The following RBM7 variants were observed in gnomAD, a reference collection of about 807,000 sequenced individuals.
RBM7 encodes RNA-binding protein 7.
RBM7 carries 13 observed loss-of-function variants against 31.0 expected under a neutral mutation model. The observed-to-expected ratio is 0.42, with a 90% CI of 0.27 to 0.67. RBM7 has a LOEUF of 0.67. Among genes scored for constraint, RBM7 ranks in the 30% least tolerant of loss-of-function variants. The probability of loss-of-function intolerance (pLI) is 0.24; values close to 1 mark genes in which losing one functional copy is unlikely to be tolerated. For synonymous variants in RBM7, 106 were observed against 111.2 expected (o/e 0.95, Z 0.30); for missense variants, 245 against 326.2 (o/e 0.75, Z 1.92).
At chr11:114,405,006 C>G (rs1393233486) in intron 3 of RBM7, among the ~76,000 whole-genome samples, 1 of 152,040 alleles carries the variant, frequency 6.6e-6, no homozygotes, top group Non-Finnish European at 1.5e-5. Context: ...CTCTTAATTC[C>G]TTACCTCCCA....
chr11:114,409,478 C>G lies in RBM7; in HGVS notation c.*1671C>G, dbSNP rs1231913758. 6.6e-6 allele frequency: 1 copy of G among 152,024 alleles called. No individual in the cohort carries two copies. Among genetic ancestry groups the G allele is most frequent in the East Asian group, 1.9e-4 (1 of 5,184 alleles). 9.4% of individuals were successfully genotyped at this position (152,024 alleles called of 1,614,324 possible). On this transcript the variant is annotated 3_prime_UTR_variant, in exon 5 of 5. Coordinates refer to ENST00000375490, the MANE Select transcript of RBM7 (RefSeq NM_001286045.2). ...CCATATCCCGGGTTCAAGTGATTCT[C>G]CTGCCTTAGCCTCCCGAGTAGCTGG...
chr11:114,407,555 G>A lies in RBM7; in HGVS notation c.552G>A (p.Gln184=), dbSNP rs756098040. ...SVQSHSHSFN[Q]SSSSQWRQGT... ...AATCACACAGTCATAGTTTCAATCA[G>A]TCTTCAAGCTCCCAGTGGCGCCAAG... Residue 184 remains glutamine, a synonymous_variant, in exon 5 of 5, where the codon CAG becomes CAA. Coordinates refer to ENST00000375490, the MANE Select transcript of RBM7 (RefSeq NM_001286045.2). 6.2e-7 allele frequency: 1 copy of A among 1,614,048 alleles called. No homozygotes were observed. The highest frequency in any genetic ancestry group is 8.5e-7 in the Non-Finnish European group (1 of 1,180,034).
chr11:114,407,617 C>A lies in RBM7; in HGVS notation c.614C>A (p.Ser205Tyr). 1 of 1,614,120 alleles carries A rather than the reference C, an allele frequency of 6.2e-7. No homozygotes were observed. Among genetic ancestry groups the A allele is most frequent in the Non-Finnish European group, 8.5e-7 (1 of 1,179,990 alleles). The change falls in exon 5 of 5, where the codon TCT (serine) becomes TAT (tyrosine). Residue 205 changes from serine to tyrosine, a missense_variant. By Grantham distance (144) the Ser-to-Tyr change is moderately radical (BLOSUM62 -2). Transcript: ENST00000375490. ...TCACAGCGTAAAGTCAGAATGAATT[C>A]TTATCCCTACCTAGCAGATAGACAT... ...PSSQRKVRMN[S>Y]YPYLADRHYS...
At position 114,408,639 on chromosome 11, in the gene RBM7, T is replaced by TG. The variant is rs1946299564; in HGVS notation, c.*832_*833insG. 1 of 152,184 alleles carries TG rather than the reference T, an allele frequency of 6.6e-6. No individual in the cohort carries two copies. Among genetic ancestry groups the TG allele is most frequent in the South Asian group, 2.1e-4 (1 of 4,832 alleles). The allele number at this position is 152,184 out of a possible 1,614,324, so 9.4% of individuals were successfully genotyped here. On this transcript the variant is annotated 3_prime_UTR_variant, in exon 5 of 5. Coordinates refer to ENST00000375490, the MANE Select transcript of RBM7 (RefSeq NM_001286045.2). ...TTCTGTCAGTCAAACGTTAAAAACTTTAACATTTTCAAAGTGCCCAGACTG... is the reference window on the plus strand; with the variant it reads ...TTCTGTCAGTCAAACGTTAAAAACTTGTAACATTTTCAAAGTGCCCAGACTG...
chr11:114,407,565 T>A lies in RBM7; in HGVS notation c.562T>A (p.Ser188Thr). The A allele has an allele frequency of 6.2e-7, 1 of 1,614,174 alleles. No homozygotes were observed. Among genetic ancestry groups the A allele is most frequent in the Non-Finnish European group, 8.5e-7 (1 of 1,180,022 alleles). ...TCATAGTTTCAATCAGTCTTCAAGC[T>A]CCCAGTGGCGCCAAGGTACACCATC... ...HSHSFNQSSS[S>T]QWRQGTPSSQ... is the part of the protein sequence containing the mutation. Residue 188 changes from serine to threonine, a missense_variant, in exon 5 of 5, where the codon TCC becomes ACC. By Grantham distance (58) the Ser-to-Thr change is moderately conservative. Coordinates refer to ENST00000375490, the MANE Select transcript of RBM7 (RefSeq NM_001286045.2).
In RBM7 at chr11:114,409,756, A is replaced by G. The variant is rs768680061; in HGVS notation, c.*1949A>G. 4 of 152,186 alleles carry G rather than the reference A, an allele frequency of 2.6e-5. No individual in the cohort carries two copies. The highest frequency in any genetic ancestry group is 5.9e-5 in the Non-Finnish European group (4 of 68,024). 9.4% of individuals were successfully genotyped at this position (152,186 alleles called of 1,614,324 possible). A position where few individuals can be genotyped will look rare whatever the true frequency, so the allele number is the denominator to read the frequency against. Reference sequence around the variant, plus strand: ...CCCTGACTCAGAATAATCTTTTTCAATGGCTTTTTGAGGGAAGCTTGTGAA... The same window carrying G: ...CCCTGACTCAGAATAATCTTTTTCAGTGGCTTTTTGAGGGAAGCTTGTGAA... On this transcript the variant is annotated 3_prime_UTR_variant, in exon 5 of 5. Transcript: ENST00000375490.
Position 114,401,757 on chromosome 11 carries a change from T to G in RBM7, c.156T>G (p.Phe52Leu). 6.3e-7 allele frequency: 1 copy of G among 1,587,958 alleles called. No individual in the cohort carries two copies. The highest frequency in any genetic ancestry group is 8.5e-7 in the Non-Finnish European group (1 of 1,170,306). The stretch of plus-strand genomic sequence containing the variant: ...ATAAGGATGGTAAACCAAAGCAGTT[T>G]GCGTTTGTGAATTTCAAACATGAAG... ...PKDKDGKPKQ[F>L]AFVNFKHEVS... is the part of the protein sequence containing the mutation. The change falls in exon 2 of 5, where the codon TTT (phenylalanine) becomes TTG (leucine). Residue 52 changes from phenylalanine (F) to leucine (L), a missense_variant. Phe to Leu is a conservative substitution (Grantham distance 22). Transcript: ENST00000375490.
chr11:114,409,395 GTC>G lies in RBM7; in HGVS notation c.*1590_*1591del, dbSNP rs1946310451. On this transcript the variant is annotated 3_prime_UTR_variant, in exon 5 of 5. Transcript: ENST00000375490. ...GTTTTTGTTTTTTTTTTGAGACAGA[GTC>G]TTGCTACGACACCCAGGCTAGAGTG... is the stretch of plus-strand genomic sequence containing the variant. The G allele has an allele frequency of 6.6e-6, 1 of 151,594 alleles. No individual in the cohort carries two copies. Among genetic ancestry groups the G allele is most frequent in the South Asian group, 2.1e-4 (1 of 4,804 alleles). 9.4% of individuals were successfully genotyped at this position (151,594 alleles called of 1,614,324 possible).
intron 3 of RBM7, among the ~76,000 whole-genome samples, chr11:114,404,017 A>G (rs1946235601): frequency 1.3e-5 from 2 of 152,228 alleles, no homozygotes; most frequent in Non-Finnish European, 2.9e-5. Context: ...ATCATAATGA[A>G]TGAAAATGGA....
At position 114,407,824 on chromosome 11, in the gene RBM7, A is replaced by G. The variant is rs1946287756; in HGVS notation, c.*17A>G. 2 of 1,577,612 alleles carry G rather than the reference A, an allele frequency of 1.3e-6. No individual in the cohort carries two copies. Among genetic ancestry groups the G allele is most frequent in the South Asian group, 1.2e-5 (1 of 86,922 alleles). ...CGACACTAACACATGTTAAAAGGACATTGTTTTTATAGGGTCATTTTAGGC... is the reference window on the plus strand; with the variant it reads ...CGACACTAACACATGTTAAAAGGACGTTGTTTTTATAGGGTCATTTTAGGC... On this transcript the variant is annotated 3_prime_UTR_variant, in exon 5 of 5. Transcript: ENST00000375490.
intron 3 of RBM7, 35 bp downstream of exon 3, chr11:114,402,950 C>T (rs776029578): frequency 1.6e-5 from 24 of 1,520,460 alleles, no homozygotes; most frequent in Non-Finnish European, 1.9e-5. Flanking sequence ...GATCATTTAT[C>T]AGGAATTCTT....
rs916731048 is a variant in RBM7, at chr11:114,410,259, G to GAAGC, written c.*2453_*2456dup. ...AAAGAAAAAAAAAATCAAATGTTTG[G>GAAGC]AAGCCATTTTGTGTTACTGTGTGAC... On this transcript the variant is annotated 3_prime_UTR_variant, in exon 5 of 5. Transcript: ENST00000375490. 7.9e-5 allele frequency: 12 copies of GAAGC among 151,988 alleles called. No individual in the cohort carries two copies. The highest frequency in any genetic ancestry group is 1.5e-4 in the Non-Finnish European group (10 of 67,978). The allele number at this position is 151,988 out of a possible 1,614,324, so 9.4% of individuals were successfully genotyped here.
rs1393867281 is a variant in RBM7 at position 114,407,631 on chromosome 11, G to A, written c.628G>A (p.Ala210Thr). 4.3e-6 allele frequency: 7 copies of A among 1,614,080 alleles called. No individual in the cohort carries two copies. The highest frequency in any genetic ancestry group is 1.1e-5 in the South Asian group (1 of 91,080). Residue 210 changes from alanine to threonine, a missense_variant, in exon 5 of 5, where the codon GCA becomes ACA. By Grantham distance (58) the Ala-to-Thr change is moderately conservative. Coordinates refer to ENST00000375490, the MANE Select transcript of RBM7 (RefSeq NM_001286045.2). ...CAGAATGAATTCTTATCCCTACCTA[G>A]CAGATAGACATTATAGCCGGGAACA... ...KVRMNSYPYLADRHYSREQRY... is the reference protein window; with the variant it reads ...KVRMNSYPYLTDRHYSREQRY...
intron 3 of RBM7, 113 bp downstream of exon 3, chr11:114,403,028 C>G: frequency 1.1e-6 from 1 of 939,090 alleles, no homozygotes. Flanking sequence ...CTTCATTCTG[C>G]CGTTATTACT....
rs1209828264 is a variant in RBM7 at position 114,410,255 on chromosome 11, T to G, written c.*2448T>G. 1 of 152,130 alleles carries G rather than the reference T, an allele frequency of 6.6e-6. No individual in the cohort carries two copies. Among genetic ancestry groups the G allele is most frequent in the Non-Finnish European group, 1.5e-5 (1 of 68,000 alleles). The allele number at this position is 152,130 out of a possible 1,614,324, so 9.4% of individuals were successfully genotyped here. On this transcript the variant is annotated 3_prime_UTR_variant, in exon 5 of 5. Coordinates refer to ENST00000375490, the MANE Select transcript of RBM7 (RefSeq NM_001286045.2). The stretch of plus-strand genomic sequence containing the variant: ...AAAAAAAGAAAAAAAAAATCAAATG[T>G]TTGGAAGCCATTTTGTGTTACTGTG...
In RBM7 at chr11:114,409,092, G is replaced by T. The variant is rs1177408926; in HGVS notation, c.*1285G>T. 6.6e-6 allele frequency: 1 copy of T among 152,082 alleles called. No individual in the cohort carries two copies. Among genetic ancestry groups the T allele is most frequent in the East Asian group, 1.9e-4 (1 of 5,222 alleles). 9.4% of individuals were successfully genotyped at this position (152,082 alleles called of 1,614,324 possible). On this transcript the variant is annotated 3_prime_UTR_variant, in exon 5 of 5. Transcript: ENST00000375490. ...ATGATGTTTCACAATCAGATTTTCA[G>T]TGACCCCTCGATTATAGCTTGGAGT...
chr11:114,403,295 T>G (rs916220175), intron 3 of RBM7, among the ~76,000 whole-genome samples: 3 of 152,198 alleles, frequency 2.0e-5, no homozygotes, highest in African/African-American at 7.2e-5. Flanking sequence ...TTTACAGTCA[T>G]TAATTGGTTG....
intron 2 of RBM7, chr11:114,402,204 T>C: frequency 5.0e-6 from 1 of 201,868 alleles, no homozygotes; most frequent in Non-Finnish European, 9.9e-6. Context: ...ATATTTTGGT[T>C]CTTGATCATG....
At chr11:114,407,336 C>A in intron 4 of RBM7, 109 bp from the exon 5 acceptor site, 1 of 1,132,150 alleles carries the variant, frequency 8.8e-7, no homozygotes, top group Non-Finnish European at 1.3e-6. Flanking sequence ...GTTGTGGATC[C>A]ATCTAGGCAA....
Sources: allele counts gnomAD v4.1 joint callset (sites outside exome capture counted in the v4.1 genomes callset), GRCh38; gene constraint gnomAD v4.1.1; transcripts MANE v1.5; gene names NCBI Gene and HGNC (gene_info 2026-07-23, HGNC 2026-07-21).